The following RAD51AP2 variants were observed in gnomAD, a reference collection of about 807,000 sequenced individuals.
RAD51AP2 encodes RAD51-associated protein 2.
A neutral mutation model predicts 85.5 loss-of-function variants in RAD51AP2; 67 were observed. That is an observed-to-expected ratio of 0.78 (90% CI 0.64 to 0.96). The LOEUF (loss-of-function observed/expected upper bound fraction) is 0.96. Ranked by LOEUF, RAD51AP2 falls within the 40% of genes least tolerant of loss-of-function variation. RAD51AP2 has a pLI of 0.00. For missense variants in RAD51AP2, 1,307 were observed against 1,332.4 expected (o/e 0.98, Z 0.30); for synonymous variants, 474 against 446.5 (o/e 1.06, Z -0.78).
chr2:17,520,249 T>A (rs1160845596), upstream of RAD51AP2, among the ~76,000 whole-genome samples: 3 of 152,236 alleles, frequency 2.0e-5, no homozygotes, highest in Non-Finnish European at 4.4e-5. Flanking sequence ...AACATTATAC[T>A]AATGGCCACT....
chr2:17,514,063 C>G lies in RAD51AP2; in HGVS notation c.3277G>C (p.Ala1093Pro), dbSNP rs1469117314. 1.3e-6 allele frequency: 2 copies of G among 1,588,934 alleles called. No homozygotes were observed. Among genetic ancestry groups the G allele is most frequent in the Non-Finnish European group, 1.7e-6 (2 of 1,158,902 alleles). ...DCETPLPKRP[A>P]FLPDECKEEF... ...TCTTTACATTCATCAGGGAGAAAAG[C>G]AGGTCTTTTAGGTAAAGGTGTTTCA... is the stretch of plus-strand genomic sequence containing the variant. Residue 1093 changes from alanine to proline, a missense_variant, in exon 2 of 3, where the codon GCT becomes CCT. Around this residue, in one of 3 missense-constraint regions of RAD51AP2, gnomAD observed 668 missense variants for 671.0 expected, o/e 1.00. Transcript: ENST00000399080.
the RAD51AP2 span, among the ~76,000 whole-genome samples, chr2:17,526,308 G>A: frequency 7.3e-5 from 11 of 151,570 alleles, no homozygotes; most frequent in East Asian, 2.1e-3. Context: ...TCACTGTTCT[G>A]GACACAAGGC....
At chr2:17,513,427 T>C (rs1662555727) in intron 2 of RAD51AP2, among the ~76,000 whole-genome samples, 1 of 151,842 alleles carries the variant, frequency 6.6e-6, no homozygotes, top group African/African-American at 2.4e-5. Flanking sequence ...TTAGTAGAAA[T>C]GGGTTTTCAC....
the RAD51AP2 span, among the ~76,000 whole-genome samples, chr2:17,529,077 A>C: frequency 4.6e-5 from 7 of 152,126 alleles, no homozygotes; most frequent in Non-Finnish European, 7.4e-5. Context: ...TAATCATGTT[A>C]TATTCATGAA....
Position 17,516,418 on chromosome 2 carries a change from G to T in RAD51AP2, c.1998C>A (p.Leu666=). ...EQVFEKSKKK[L]INSFSMTTQN... ...GAGTTGTCATACTGAAGGAATTAAT[G>T]AGTTTTTTCTTAGACTTTTCAAAAA... Residue 666 remains leucine (L), a synonymous_variant, in exon 1 of 3, where the codon CTC becomes CTA. Coordinates refer to ENST00000399080, the MANE Select transcript of RAD51AP2 (RefSeq NM_001099218.3). The T allele has an allele frequency of 1.2e-6, 2 of 1,600,116 alleles. No individual in the cohort carries two copies. The highest frequency in any genetic ancestry group is 1.1e-5 in the South Asian group (1 of 87,604).
At chr2:17,511,744 T>A (rs974123473) in intron 2 of RAD51AP2, among the ~76,000 whole-genome samples, 1 of 152,190 alleles carries the variant, frequency 6.6e-6, no homozygotes, top group Non-Finnish European at 1.5e-5. Context: ...GTATGATTTT[T>A]ACTAACCTGA....
Position 17,511,001 on chromosome 2 carries a change from T to C in RAD51AP2, c.3329-46A>G, listed in dbSNP as rs1020881100. 18 of 1,364,566 alleles carry C rather than the reference T, an allele frequency of 1.3e-5. No individual in the cohort carries two copies. The African/African-American group carries it at 2.4e-4, about 18-fold the overall frequency. 84.5% of individuals were successfully genotyped at this position (1,364,566 alleles called of 1,614,324 possible). On this transcript the variant is annotated intron_variant, in intron 2 of 2. Transcript: ENST00000399080. Reference sequence around the variant, plus strand: ...AAGTAAAAATTATCAATAGTTTCTATGCCTAAAAATCTTTACTTCTAATCA... The same window carrying C: ...AAGTAAAAATTATCAATAGTTTCTACGCCTAAAAATCTTTACTTCTAATCA...
At chr2:17,519,667 T>A (rs1376494051), upstream of RAD51AP2, among the ~76,000 whole-genome samples, 2 of 152,170 alleles carry the variant, frequency 1.3e-5, no homozygotes, top group Non-Finnish European at 2.9e-5. Flanking sequence ...GAGAAATGTT[T>A]ACTTAAGTTT....
At chr2:17,532,813 A>T in the RAD51AP2 span, among the ~76,000 whole-genome samples, 1 of 152,266 alleles carries the variant, frequency 6.6e-6, no homozygotes, top group African/African-American at 2.4e-5. Context: ...ACATTTTTCT[A>T]AAACAATTTA....
the RAD51AP2 span, among the ~76,000 whole-genome samples, chr2:17,525,249 T>C: frequency 0.024 from 3,674 of 152,108 alleles, 45 homozygotes; most frequent in Middle Eastern, 0.054. Flanking sequence ...TCTCTAATTA[T>C]AATGAATGGG....
At chr2:17,520,052 C>A (rs1050208508), upstream of RAD51AP2, among the ~76,000 whole-genome samples, 1 of 151,940 alleles carries the variant, frequency 6.6e-6, no homozygotes, top group Non-Finnish European at 1.5e-5. Flanking sequence ...ATATCTCCAT[C>A]ACATCATTAT....
In RAD51AP2 at chr2:17,510,917, GC is replaced by G. The variant is rs1207885316; in HGVS notation, c.3366del (p.Lys1124ArgfsTer24). On this transcript the variant is annotated frameshift_variant, in exon 3 of 3. Transcript: ENST00000399080. LOFTEE classifies it high-confidence loss of function. The part of the protein sequence containing the change: ...HFPHGISRVR[P>X]LKTCSRPIRI... ...CTGATTGGCCTACTGCATGTCTTAA[GC>G]GGTCGTACTCTTGAAATGCCATGTG... is the stretch of plus-strand genomic sequence containing the variant. 1.2e-6 allele frequency: 2 copies of G among 1,605,936 alleles called. No homozygotes were observed. The highest frequency in any genetic ancestry group is 1.7e-5 in the Admixed American group (1 of 59,092).
chr2:17,530,130 C>T, the RAD51AP2 span, among the ~76,000 whole-genome samples: 1 of 152,168 alleles, frequency 6.6e-6, no homozygotes, highest in African/African-American at 2.4e-5. Context: ...AAGATTCTAT[C>T]ATAAATCTCA....
chr2:17,531,675 T>C, the RAD51AP2 span, among the ~76,000 whole-genome samples: 1 of 152,212 alleles, frequency 6.6e-6, no homozygotes, highest in East Asian at 1.9e-4. Context: ...AGTGGTACTG[T>C]GATCAGTATA....
chr2:17,515,905 T>C lies in RAD51AP2; in HGVS notation c.2511A>G (p.Val837=), dbSNP rs747507928. ...TTGTTAAACTTTCAGCTGTGACTTT[T>C]ACTTCCTCTTTCAAAATTAAGTCAT... ...KKYDLILKEE[V]KVTAESLTNS... Residue 837 remains valine, a synonymous_variant, in exon 1 of 3, where the codon GTA becomes GTG. Coordinates refer to ENST00000399080, the MANE Select transcript of RAD51AP2 (RefSeq NM_001099218.3). 11 of 1,603,828 alleles carry C rather than the reference T, an allele frequency of 6.9e-6. No homozygotes were observed. The South Asian group carries it at 1.3e-4, about 18-fold the overall frequency.
In RAD51AP2 at chr2:17,517,366, G is replaced by A. The variant is rs1422440779; in HGVS notation, c.1050C>T (p.Tyr350=). The change falls in exon 1 of 3, where the codon TAC becomes TAT. Residue 350 remains tyrosine, a synonymous_variant. Coordinates refer to ENST00000399080, the MANE Select transcript of RAD51AP2 (RefSeq NM_001099218.3). The part of the protein sequence containing the change: ...CKRKDLISSN[Y]CNCSSIQCNV... ...TACACTGGATACTACTGCAGTTACA[G>A]TAGTTTGAACTGATCAAGTCTTTTC... is the stretch of plus-strand genomic sequence containing the variant. The A allele has an allele frequency of 1.9e-6, 3 of 1,613,778 alleles. No homozygotes were observed. The highest frequency in any genetic ancestry group is 2.5e-6 in the Non-Finnish European group (3 of 1,179,912).
upstream of RAD51AP2, among the ~76,000 whole-genome samples, chr2:17,520,418 T>A (rs776966162): frequency 1.4e-4 from 21 of 152,144 alleles, no homozygotes; most frequent in African/African-American, 4.3e-4. Context: ...CTTGTCTGAA[T>A]CTTACTGATG....
upstream of RAD51AP2, among the ~76,000 whole-genome samples, chr2:17,520,717 C>T (rs1243573594): frequency 6.6e-6 from 1 of 151,706 alleles, no homozygotes; most frequent in Non-Finnish European, 1.5e-5. Context: ...TAGTATGTCA[C>T]ATCCTCACTA....
At chr2:17,534,057 T>C in the RAD51AP2 span, among the ~76,000 whole-genome samples, 1 of 152,214 alleles carries the variant, frequency 6.6e-6, no homozygotes, top group African/African-American at 2.4e-5. Context: ...TCTTCCTTCT[T>C]TGTTATATTT....
Sources: gnomAD v4.1 joint callset for allele counts (sites outside exome capture counted in the v4.1 genomes callset) on GRCh38, gnomAD v4.1.1 for gene constraint, gnomAD v4.1.1 regional missense constraint, MANE v1.5 for transcripts, NCBI Gene and HGNC (gene_info 2026-07-23, HGNC 2026-07-21) for gene names.